Variants in PIP5K1C observed in about 807,000 individuals in gnomAD.
PIP5K1C encodes phosphatidylinositol 4-phosphate 5-kinase type-1 gamma.
Under a neutral mutation model 80.1 loss-of-function variants are expected in PIP5K1C, and 45 were observed. The ratio of observed to expected loss-of-function variants is 0.56; its 90% CI spans 0.44 to 0.72. The LOEUF (loss-of-function observed/expected upper bound fraction) is 0.72. Among genes scored for constraint, PIP5K1C ranks in the 30% least tolerant of loss-of-function variants. PIP5K1C has a pLI of 0.00. For missense variants in PIP5K1C, 753 were observed against 954.6 expected, an observed-to-expected ratio of 0.79 and a Z score of 2.78; for synonymous variants, 498 against 420.1, an observed-to-expected ratio of 1.19 and a Z score of -2.27.
chr19:3,644,203 G>A lies in PIP5K1C; in HGVS notation c.1394C>T (p.Ala465Val), dbSNP rs780033757. ...SKKGRGGALL[A>V]VKPLGPTAAF... ...AGCGGTGGGCCCCAGCGGTTTCACA[G>A]CTAGCAAGGCTCCGCCGCGCCCCTT... The change falls in exon 12 of 18, where the codon GCT becomes GTT. Residue 465 changes from alanine to valine, a missense_variant. Ala to Val is a moderately conservative substitution (Grantham distance 64). Transcript: ENST00000335312. The A allele has an allele frequency of 2.5e-6, 4 of 1,612,362 alleles. No individual in the cohort carries two copies. The highest frequency in any genetic ancestry group is 2.2e-5 in the East Asian group (1 of 44,882).
chr19:3,652,154 C>T (rs2034475794), intron 7 of PIP5K1C, 123 bp from the exon 8 acceptor site: 1 of 803,542 alleles, frequency 1.2e-6, no homozygotes. Context: ...GAGATGGAGT[C>T]CCACGGCCAG....
intron 8 of PIP5K1C, among the ~76,000 whole-genome samples, chr19:3,650,816 G>A (rs931349023): frequency 6.6e-6 from 1 of 152,046 alleles, no homozygotes; most frequent in Non-Finnish European, 1.5e-5. Context: ...GAGTGCAATA[G>A]CTCAATCTCA....
Position 3,650,388 on chromosome 19 carries a change from G to A in PIP5K1C, c.1127+1438C>T, listed in dbSNP as rs559607965. On this transcript the variant is annotated intron_variant, in intron 8 of 17. Transcript: ENST00000335312. ...AGGCTCGGGCCTGCCCCCACTGTCA[G>A]GGTGCTGCTGTGACCAGGGCACAAT... 8.4e-4 allele frequency among the ~76,000 whole-genome samples: 128 copies of A among 152,384 alleles called. 1 individual carries two copies. The highest frequency in any genetic ancestry group is 3.4e-3 in the Middle Eastern group (1 of 294).
chr19:3,647,501 G>T, intron 9 of PIP5K1C, 115 bp from the exon 10 acceptor site: 1 of 911,566 alleles, frequency 1.1e-6, no homozygotes, highest in Non-Finnish European at 1.7e-6. Context: ...TCAAGCAGTC[G>T]TGGCTGTCAA....
chr19:3,668,779 G>T (rs949337774), intron 1 of PIP5K1C, among the ~76,000 whole-genome samples: 4 of 152,166 alleles, frequency 2.6e-5, no homozygotes. Flanking sequence ...GATCAGCAAG[G>T]GGGGGCTTCC....
At chr19:3,683,850 G>GC (rs949600209) in intron 1 of PIP5K1C, among the ~76,000 whole-genome samples, 3 of 151,570 alleles carry the variant, frequency 2.0e-5, no homozygotes, top group African/African-American at 7.3e-5. Context: ...AGCACAGCCA[G>GC]CCCCCGCTTC....
intron 1 of PIP5K1C, among the ~76,000 whole-genome samples, chr19:3,697,284 TAGA>T (rs2036150111): frequency 1.2e-5 from 1 of 81,484 alleles, no homozygotes; most frequent in African/African-American, 4.9e-5. Flanking sequence ...CCAAGCCGGA[TAGA>T]GGACCGAGCC....
chr19:3,680,110 T>C (rs2035539503), intron 1 of PIP5K1C, among the ~76,000 whole-genome samples: 1 of 152,196 alleles, frequency 6.6e-6, no homozygotes, highest in African/African-American at 2.4e-5. Flanking sequence ...AGGCTAGTTC[T>C]TACCCTGAAG....
intron 16 of PIP5K1C, 75 bp downstream of exon 16, chr19:3,638,809 T>C (rs2145381240): frequency 1.9e-6 from 3 of 1,563,376 alleles, no homozygotes; most frequent in Non-Finnish European, 2.6e-6. Flanking sequence ...GTGTATGCGG[T>C]GTGCACACGG....
chr19:3,700,302 G>A lies in PIP5K1C; in HGVS notation c.89C>T (p.Ala30Val), dbSNP rs907100223. The change falls in exon 1 of 18, where the codon GCG becomes GTG. Residue 30 changes from alanine to valine, a missense_variant. Around this residue, in one of 6 missense-constraint regions of PIP5K1C, gnomAD observed 78 missense variants for 67.1 expected, o/e 1.16. Coordinates refer to ENST00000335312, the MANE Select transcript of PIP5K1C (RefSeq NM_012398.3). ...CCGGGAGGCCGGGCCGTTACCTGCC[G>A]CCGCCCCGCTCTCTGCCGCCCACGC... ...EAAWAAESGAAAGLAQKKAAP... is the reference protein window; with the variant it reads ...EAAWAAESGAVAGLAQKKAAP... 109 of 1,280,974 alleles carry A rather than the reference G, an allele frequency of 8.5e-5. No homozygotes were observed. The highest frequency in any genetic ancestry group is 2.3e-4 in the Admixed American group (8 of 34,480). The allele number at this position is 1,280,974 out of a possible 1,614,324, so 79.4% of individuals were successfully genotyped here. A position where few individuals can be genotyped will look rare whatever the true frequency, so the allele number is the denominator to read the frequency against.
intron 14 of PIP5K1C, 113 bp downstream of exon 14, chr19:3,642,794 G>A (rs1056520596): frequency 1.2e-6 from 1 of 859,714 alleles, no homozygotes; most frequent in African/African-American, 1.7e-5. Context: ...TCTTAAATCT[G>A]TCCCCAGGAG....
intron 1 of PIP5K1C, among the ~76,000 whole-genome samples, chr19:3,671,811 C>T (rs535607207): frequency 1.3e-5 from 2 of 152,382 alleles, no homozygotes; most frequent in East Asian, 3.9e-4. Flanking sequence ...CCGCTCAGGG[C>T]ACAGAGCCTG....
intron 16 of PIP5K1C, among the ~76,000 whole-genome samples, chr19:3,638,491 C>G (rs2145379719): frequency 6.6e-6 from 1 of 152,374 alleles, no homozygotes. Context: ...GTCAAGGACA[C>G]AGGACCTCAG....
chr19:3,693,578 C>A (rs773794988), intron 1 of PIP5K1C, among the ~76,000 whole-genome samples: 8 of 152,216 alleles, frequency 5.3e-5, no homozygotes, highest in Non-Finnish European at 1.2e-4. Flanking sequence ...AGGCGGCAGG[C>A]GGCAGGCGGC....
chr19:3,659,944 G>A (rs1001867841), intron 5 of PIP5K1C, among the ~76,000 whole-genome samples: 4 of 152,176 alleles, frequency 2.6e-5, no homozygotes, highest in Middle Eastern at 3.2e-3. Context: ...CAACCAGAAC[G>A]CCAACCGCAC....
Position 3,637,525 on chromosome 19 carries a change from C to T in PIP5K1C, c.1920+1359G>A, listed in dbSNP as rs572595388. The T allele has an allele frequency of 7.3e-5, 112 of 1,532,694 alleles. 1 individual carries two copies. The South Asian group carries it at 1.1e-3, about 15-fold the overall frequency. 94.9% of individuals were successfully genotyped at this position (1,532,694 alleles called of 1,614,324 possible). ...CCCTTCTCCCCAGGGTGGCCGGCTGCGGTCACTTACAGTCCCCGAGGCGCT... is the reference window on the plus strand; with the variant it reads ...CCCTTCTCCCCAGGGTGGCCGGCTGTGGTCACTTACAGTCCCCGAGGCGCT... On this transcript the variant is annotated intron_variant, in intron 16 of 17. Transcript: ENST00000335312. This position sits in a 1 kb window ranked among gnomAD's most constrained non-coding sequence, Gnocchi z 7.0.
chr19:3,675,321 C>T (rs1035636729), intron 1 of PIP5K1C, among the ~76,000 whole-genome samples: 10 of 152,152 alleles, frequency 6.6e-5, no homozygotes, highest in Non-Finnish European at 1.0e-4. Context: ...GTGACATACA[C>T]CATCTGGAAC....
chr19:3,643,528 G>T, intron 12 of PIP5K1C, 147 bp from the exon 13 acceptor site: 1 of 901,422 alleles, frequency 1.1e-6, no homozygotes. Flanking sequence ...ACACGGCAGG[G>T]AAGGACGACG....
intron 6 of PIP5K1C, among the ~76,000 whole-genome samples, chr19:3,655,940 A>T (rs2034611379): frequency 6.6e-6 from 1 of 152,150 alleles, no homozygotes; most frequent in African/African-American, 2.4e-5. Flanking sequence ...GGTGGGCCGG[A>T]TGGAGCTGCC....
Sources: allele counts gnomAD v4.1 joint callset (sites outside exome capture counted in the v4.1 genomes callset), GRCh38; gene constraint gnomAD v4.1.1; regional missense constraint gnomAD v4.1.1; non-coding constraint Gnocchi (gnomAD v3.1); transcripts MANE v1.5; gene names NCBI Gene and HGNC (gene_info 2026-07-23, HGNC 2026-07-21).